CTNNA3: variants seen among roughly 807,000 people sequenced by gnomAD.
CTNNA3 encodes catenin alpha 3.
CTNNA3 carries 76 observed loss-of-function variants against 95.7 expected under a neutral mutation model. The observed-to-expected ratio is 0.79, with a 90% CI of 0.66 to 0.96. The LOEUF (loss-of-function observed/expected upper bound fraction) is 0.96, where lower values mean the gene tolerates loss of function less well. Among genes scored for constraint, CTNNA3 ranks in the 40% least tolerant of loss-of-function variants. The pLI is 0.00. For missense variants in CTNNA3, 1,191 were observed against 1,089.8 expected (o/e 1.09, Z -1.31); for synonymous variants, 431 against 374.4 (o/e 1.15, Z -1.74).
intron 5 of CTNNA3, among the ~76,000 whole-genome samples, chr10:67,239,187 T>C (rs1405064277): frequency 6.6e-6 from 1 of 152,150 alleles, no homozygotes; most frequent in East Asian, 1.9e-4. Flanking sequence ...GCTGAGTATA[T>C]GCATGCCCTG....
At chr10:67,514,669 G>GT (rs1369276492) in intron 5 of CTNNA3, among the ~76,000 whole-genome samples, 1 of 146,832 alleles carries the variant, frequency 6.8e-6, no homozygotes, top group Non-Finnish European at 1.5e-5. Context: ...CACTGAAGTT[G>GT]TTTTTTGTTT....
intron 7 of CTNNA3, among the ~76,000 whole-genome samples, chr10:66,847,722 T>C (rs4515865): frequency 0.55 from 83,924 of 151,902 alleles, 23,838 homozygotes; most frequent in Admixed American, 0.66. Flanking sequence ...GTAGGAGATA[T>C]AAAAAGTGCT....
intron 5 of CTNNA3, among the ~76,000 whole-genome samples, chr10:67,280,240 G>C (rs373461540): frequency 1.3e-5 from 2 of 149,968 alleles, no homozygotes; most frequent in African/African-American, 5.0e-5. Flanking sequence ...TTTGTCCCCC[G>C]CCCTGAAATT....
chr10:67,096,358 G>A (rs1857993774), intron 7 of CTNNA3, among the ~76,000 whole-genome samples: 1 of 151,778 alleles, frequency 6.6e-6, no homozygotes, highest in Non-Finnish European at 1.5e-5. Flanking sequence ...GGGAAAGAAT[G>A]TAAAGATGCA....
At chr10:66,102,216 TTAATAA>T (rs1564644738) in intron 14 of CTNNA3, among the ~76,000 whole-genome samples, 1 of 152,198 alleles carries the variant, frequency 6.6e-6, no homozygotes, top group African/African-American at 2.4e-5. Flanking sequence ...TTTAACTAAC[TTAATAA>T]TAATATTAAT....
At chr10:66,250,917 T>A (rs936293097) in intron 13 of CTNNA3, among the ~76,000 whole-genome samples, 7 of 152,222 alleles carry the variant, frequency 4.6e-5, no homozygotes, top group Admixed American at 3.3e-4. Context: ...TCAAAGGATC[T>A]GATTGAATTG....
At chr10:66,698,450 T>A (rs1847838156) in intron 9 of CTNNA3, among the ~76,000 whole-genome samples, 1 of 152,000 alleles carries the variant, frequency 6.6e-6, no homozygotes, top group Non-Finnish European at 1.5e-5. Context: ...GCAGGTGGTA[T>A]CAGAAATGAG....
In CTNNA3 at chr10:67,576,253, T is replaced by G. The variant is rs560967621; in HGVS notation, c.292+30604A>C. 2.8e-4 allele frequency among the ~76,000 whole-genome samples: 42 copies of G among 152,266 alleles called. 1 individual carries two copies. In the South Asian group the frequency reaches 8.3e-3, roughly 30 times the overall value. On this transcript the variant is annotated intron_variant, in intron 3 of 17. Transcript: ENST00000433211. ...CAGGTTTCTGTAAAAAGTAAACAGT[T>G]GTTTACTTTTACATTTCAGGTTTAA...
Position 67,082,845 on chromosome 10 carries a change from G to T in CTNNA3, c.1047+97472C>A, listed in dbSNP as rs571489451. 6.6e-5 allele frequency among the ~76,000 whole-genome samples: 10 copies of T among 152,206 alleles called. No individual in the cohort carries two copies. In the East Asian group the frequency reaches 1.7e-3, roughly 26 times the overall value. On this transcript the variant is annotated intron_variant, in intron 7 of 17. Coordinates refer to ENST00000433211, the MANE Select transcript of CTNNA3 (RefSeq NM_013266.4). ...GCATGTTCTAAACTGGGTAGTCTGGGGGATGGACCACAATATTATGAGTCA... is the reference window on the plus strand; with the variant it reads ...GCATGTTCTAAACTGGGTAGTCTGGTGGATGGACCACAATATTATGAGTCA...
chr10:67,105,423 T>C (rs1159534387), intron 7 of CTNNA3, among the ~76,000 whole-genome samples: 2 of 152,124 alleles, frequency 1.3e-5, no homozygotes, highest in Non-Finnish European at 2.9e-5. Flanking sequence ...AACTATAAAC[T>C]CTTGAATTGC....
chr10:67,386,369 T>C (rs373635965), intron 5 of CTNNA3, among the ~76,000 whole-genome samples: 11 of 152,286 alleles, frequency 7.2e-5, no homozygotes, highest in African/African-American at 2.6e-4. Flanking sequence ...AGACATTACA[T>C]AACTCACAGG....
intron 10 of CTNNA3, among the ~76,000 whole-genome samples, chr10:66,594,726 A>G (rs117996026): frequency 0.024 from 3,591 of 152,172 alleles, 85 homozygotes; most frequent in East Asian, 0.055. Flanking sequence ...GATTTTCCTG[A>G]TATGGTAGCA....
Position 65,947,648 on chromosome 10 carries a change from GA to G in CTNNA3, c.2400+18963del, listed in dbSNP as rs768050432. On this transcript the variant is annotated intron_variant, in intron 17 of 17. Coordinates refer to ENST00000433211, the MANE Select transcript of CTNNA3 (RefSeq NM_013266.4). ...CCTGGTCCATGTGTAAAAATGTAGAGAAAAGCTCCCTACCAACCTGTATTAA... is the reference window on the plus strand; with the variant it reads ...CCTGGTCCATGTGTAAAAATGTAGAGAAAGCTCCCTACCAACCTGTATTAA... Among the ~76,000 whole-genome samples, 14 of 152,176 alleles carry G rather than the reference GA, an allele frequency of 9.2e-5. No individual in the cohort carries two copies. The East Asian group carries it at 9.6e-4, about 10-fold the overall frequency.
At chr10:67,362,869 G>A (rs1327226986) in intron 5 of CTNNA3, among the ~76,000 whole-genome samples, 1 of 151,506 alleles carries the variant, frequency 6.6e-6, no homozygotes, top group Non-Finnish European at 1.5e-5. Context: ...TGAAGTCTCT[G>A]CCAAAAGGTT....
chr10:66,731,969 G>T lies in CTNNA3; in HGVS notation c.1281+34295C>A, dbSNP rs569316840. On this transcript the variant is annotated intron_variant, in intron 9 of 17. Transcript: ENST00000433211. ...GAAAATCTTCCCTTCAAAGTGATTT[G>T]AAAAGTTCAGAAAATTAGCTCTTAT... 2.6e-5 allele frequency among the ~76,000 whole-genome samples: 4 copies of T among 152,256 alleles called. No individual in the cohort carries two copies. The South Asian group carries it at 8.3e-4, about 32-fold the overall frequency.
At chr10:67,433,929 G>A (rs771760491) in intron 5 of CTNNA3, among the ~76,000 whole-genome samples, 3 of 151,958 alleles carry the variant, frequency 2.0e-5, no homozygotes, top group African/African-American at 7.2e-5. Flanking sequence ...TAGGCAGTCA[G>A]AACTGCCTGG....
Position 66,731,239 on chromosome 10 carries a change from C to G in CTNNA3, c.1281+35025G>C, listed in dbSNP as rs185008085. Among the ~76,000 whole-genome samples, 174 of 152,266 alleles carry G rather than the reference C, an allele frequency of 1.1e-3. 1 individual carries two copies. Among genetic ancestry groups the G allele is most frequent in the Middle Eastern group, 0.01 (3 of 294 alleles). On this transcript the variant is annotated intron_variant, in intron 9 of 17. Transcript: ENST00000433211. ...ACTACTATTCAACAGCAATCTGAAT[C>G]CCCAAGTTCAATTAAAAAGGTCATT...
At chr10:67,421,973 G>A (rs1845762631) in intron 5 of CTNNA3, among the ~76,000 whole-genome samples, 1 of 152,092 alleles carries the variant, frequency 6.6e-6, no homozygotes, top group Non-Finnish European at 1.5e-5. Context: ...TCACACTGAG[G>A]ACACAATATC....
At position 67,665,048 on chromosome 10, in the gene CTNNA3, C is replaced by T. The variant is rs114198941; in HGVS notation, c.-5-17530G>A. Among the ~76,000 whole-genome samples the T allele has an allele frequency of 5.5e-3, 844 of 152,294 alleles. 6 individuals carry two copies. The highest frequency in any genetic ancestry group is 0.019 in the African/African-American group (804 of 41,562). On this transcript the variant is annotated intron_variant, in intron 1 of 17. Transcript: ENST00000433211. The stretch of plus-strand genomic sequence containing the variant: ...TCTAAAGTATGTAAAGTTTCTAGTG[C>T]CTTGCATACAGTTACTCAATCATTA...
Sources: allele counts gnomAD v4.1 joint callset (sites outside exome capture counted in the v4.1 genomes callset), GRCh38; gene constraint gnomAD v4.1.1; transcripts MANE v1.5; gene names NCBI Gene and HGNC (gene_info 2026-07-23, HGNC 2026-07-21).